The following CHODL variants were observed in gnomAD, a reference collection of about 807,000 sequenced individuals.
CHODL encodes the protein transmembrane protein MT75.
A neutral mutation model predicts 34.5 loss-of-function variants in CHODL; 29 were observed. The ratio of observed to expected loss-of-function variants is 0.84; its 90% CI spans 0.63 to 1.15. CHODL has a LOEUF of 1.15. Among genes scored for constraint, CHODL ranks in the 50% most tolerant of loss-of-function variants. The pLI is 0.00. For synonymous variants in CHODL, 125 were observed against 116.1 expected (o/e 1.08, Z -0.49); for missense variants, 332 against 332.5 (o/e 1.00, Z 0.01).
chr21:17,927,473 C>T (rs952131094), intron 1 of CHODL, among the ~76,000 whole-genome samples: 1 of 152,174 alleles, frequency 6.6e-6, no homozygotes, highest in African/African-American at 2.4e-5. Context: ...TGGTTCAAAA[C>T]ATTTCTTTTC....
chr21:18,041,264 TTGGAGTCTTAAC>T, intron 2 of CHODL, among the ~76,000 whole-genome samples: 1 of 152,020 alleles, frequency 6.6e-6, no homozygotes. Context: ...AGAGATAGTG[TTGGAGTCTTAAC>T]TGACCGTGAT....
At chr21:18,207,314 A>T (rs1277648432) in intron 2 of CHODL, among the ~76,000 whole-genome samples, 1 of 152,156 alleles carries the variant, frequency 6.6e-6, no homozygotes, top group Non-Finnish European at 1.5e-5. Flanking sequence ...TGATGACAAC[A>T]CTGATTGCAT....
At chr21:18,055,572 G>A (rs1266751238) in intron 2 of CHODL, among the ~76,000 whole-genome samples, 1 of 152,134 alleles carries the variant, frequency 6.6e-6, no homozygotes, top group African/African-American at 2.4e-5. Flanking sequence ...GACAGATCAC[G>A]AGTAAAGTAT....
At chr21:18,108,147 CTT>C (rs67320180) in intron 2 of CHODL, among the ~76,000 whole-genome samples, 36,079 of 147,318 alleles carry the variant, frequency 0.24, 4,518 homozygotes, top group East Asian at 0.43. Context: ...ATCAGATTCA[CTT>C]TTTTTTTTTT....
intron 1 of CHODL, among the ~76,000 whole-genome samples, chr21:18,021,942 A>G (rs1365491982): frequency 6.6e-6 from 1 of 152,152 alleles, no homozygotes; most frequent in Non-Finnish European, 1.5e-5. Context: ...TCCTAACATG[A>G]TGTTACTTAG....
Position 18,248,694 on chromosome 21 carries a change from CAT to C in CHODL, c.79+3399_79+3400del, listed in dbSNP as rs542647010. Among the ~76,000 whole-genome samples the C allele has an allele frequency of 3.8e-3, 408 of 107,864 alleles. 1 individual carries two copies. Among genetic ancestry groups the C allele is most frequent in the African/African-American group, 0.014 (338 of 23,394 alleles). 70.8% of individuals were successfully genotyped at this position (107,864 alleles called of 152,430 possible). A position where few individuals can be genotyped will look rare whatever the true frequency, so the allele number is the denominator to read the frequency against. On this transcript the variant is annotated intron_variant, in intron 1 of 5. Transcript: ENST00000299295. ...AATACATATATGTATATATTATATA[CAT>C]ATATATGTATATAATATATACATAT...
At chr21:17,938,845 G>A (rs920570211) in intron 1 of CHODL, among the ~76,000 whole-genome samples, 3 of 151,992 alleles carry the variant, frequency 2.0e-5, no homozygotes, top group African/African-American at 7.3e-5. Flanking sequence ...ATACAAACAT[G>A]TGGGCACTTC....
At chr21:18,160,798 A>G (rs746171541) in intron 2 of CHODL, among the ~76,000 whole-genome samples, 4 of 152,196 alleles carry the variant, frequency 2.6e-5, no homozygotes, top group Non-Finnish European at 5.9e-5. Flanking sequence ...GAACATACAC[A>G]TGCATGTGTC....
intron 2 of CHODL, among the ~76,000 whole-genome samples, chr21:18,034,032 A>G (rs990255323): frequency 6.6e-6 from 1 of 152,150 alleles, no homozygotes; most frequent in Middle Eastern, 3.4e-3. Flanking sequence ...ATGAAATTGA[A>G]TTGAGAACCC....
At chr21:18,018,688 T>C (rs1201635658) in intron 1 of CHODL, among the ~76,000 whole-genome samples, 3 of 152,232 alleles carry the variant, frequency 2.0e-5, no homozygotes, top group African/African-American at 7.2e-5. Flanking sequence ...TGTTTCTTTA[T>C]GGTAACAGGA....
intron 1 of CHODL, among the ~76,000 whole-genome samples, chr21:17,941,753 G>A (rs1039396128): frequency 6.6e-6 from 1 of 152,098 alleles, no homozygotes. Context: ...ACCATAAACT[G>A]GGTAGCTTAT....
chr21:18,060,014 C>G (rs1253882165), intron 2 of CHODL, among the ~76,000 whole-genome samples: 2 of 152,134 alleles, frequency 1.3e-5, no homozygotes, highest in East Asian at 1.9e-4. Flanking sequence ...TTTTTAAAAT[C>G]TGTCCACATT....
chr21:18,030,515 C>A (rs1224126398), intron 2 of CHODL, among the ~76,000 whole-genome samples: 2 of 152,104 alleles, frequency 1.3e-5, no homozygotes, highest in African/African-American at 4.8e-5. Context: ...TATAACTGCT[C>A]GTCGTTTTCC....
At chr21:18,263,666 G>A (rs1032242654) in intron 5 of CHODL, among the ~76,000 whole-genome samples, 2 of 152,104 alleles carry the variant, frequency 1.3e-5, no homozygotes, top group Non-Finnish European at 2.9e-5. Flanking sequence ...TTATATAAGA[G>A]CATGTTTGCT....
At chr21:18,167,209 C>CTGTGTGTGTG (rs769948179) in intron 2 of CHODL, among the ~76,000 whole-genome samples, 7 of 129,070 alleles carry the variant, frequency 5.4e-5, no homozygotes, top group South Asian at 2.7e-4. Flanking sequence ...ATTTCTCTCT[C>CTGTGTGTGTG]TCTGTGTGTG....
intron 1 of CHODL, among the ~76,000 whole-genome samples, chr21:17,961,903 C>G (rs2063534986): frequency 6.6e-6 from 1 of 152,268 alleles, no homozygotes; most frequent in South Asian, 2.1e-4. Flanking sequence ...ATTTGCTACC[C>G]TAAGGTTTTC....
rs368732022 is a variant in CHODL at position 18,047,864 on chromosome 21, G to A, written c.-45+19893G>A. Among the ~76,000 whole-genome samples the A allele has an allele frequency of 1.2e-3, 185 of 152,006 alleles. 1 individual carries two copies. The highest frequency in any genetic ancestry group is 4.3e-3 in the African/African-American group (180 of 41,512). The stretch of plus-strand genomic sequence containing the variant: ...ATTGACTATGAGAAAAACTTGTGAC[G>A]CTTCACAGTGTGGGTGGTGAGGACA... On this transcript the variant is annotated intron_variant, in intron 2 of 6. Coordinates refer to the CHODL transcript ENST00000400127.
chr21:17,983,973 G>A (rs1036610871), intron 1 of CHODL, among the ~76,000 whole-genome samples: 1 of 152,078 alleles, frequency 6.6e-6, no homozygotes, highest in African/African-American at 2.4e-5. Flanking sequence ...ATTTTAAGTT[G>A]CACAAGTCTG....
At chr21:18,258,873 G>T (rs2074348445) in intron 3 of CHODL, among the ~76,000 whole-genome samples, 1 of 151,926 alleles carries the variant, frequency 6.6e-6, no homozygotes. Flanking sequence ...TGTAATCAGT[G>T]CTTGATTTTT....
Sources: gnomAD v4.1 joint callset for allele counts (sites outside exome capture counted in the v4.1 genomes callset) on GRCh38, gnomAD v4.1.1 for gene constraint, MANE v1.5 for transcripts, NCBI Gene and HGNC (gene_info 2026-07-23, HGNC 2026-07-21) for gene names.